The following RBM26 variants were observed in gnomAD, a reference collection of about 807,000 sequenced individuals.
The protein encoded by RBM26 is RNA-binding protein 26.
RBM26 carries 30 observed loss-of-function variants against 123.6 expected under a neutral mutation model. The ratio of observed to expected loss-of-function variants is 0.24; its 90% CI spans 0.18 to 0.33. The LOEUF (loss-of-function observed/expected upper bound fraction) is 0.33. Among genes scored for constraint, RBM26 ranks in the 10% least tolerant of loss-of-function variants. RBM26 has a pLI of 1.00. For synonymous variants in RBM26, 400 were observed against 404.4 expected (o/e 0.99, Z 0.13); for missense variants, 947 against 1,203.6 (o/e 0.79, Z 3.15).
chr13:79,335,010 CATTAT>C (rs2070090286), intron 19 of RBM26, among the ~76,000 whole-genome samples: 1 of 152,082 alleles, frequency 6.6e-6, no homozygotes, highest in Non-Finnish European at 1.5e-5. Context: ...AAGCTAAACA[CATTAT>C]ATTATTCCTG....
chr13:79,341,271 C>A, intron 17 of RBM26, 44 bp from the exon 18 acceptor site: 6 of 1,240,722 alleles, frequency 4.8e-6, no homozygotes, highest in Non-Finnish European at 5.8e-6. Flanking sequence ...TAATTACTAT[C>A]CTGTATTGAT....
chr13:79,370,247 C>T (rs1381984633), intron 5 of RBM26, among the ~76,000 whole-genome samples: 2 of 152,072 alleles, frequency 1.3e-5, no homozygotes, highest in Admixed American at 6.5e-5. Context: ...ACTCAGGAGG[C>T]GGAGGTTGCA....
chr13:79,402,193 AAC>A (rs2079108837), intron 1 of RBM26, among the ~76,000 whole-genome samples: 1 of 152,150 alleles, frequency 6.6e-6, no homozygotes, highest in Non-Finnish European at 1.5e-5. Context: ...AAAAAAGACT[AAC>A]ATTTAGTTTC....
chr13:79,344,399 G>C (rs981274998), intron 15 of RBM26, 77 bp from the exon 16 acceptor site: 6 of 1,151,808 alleles, frequency 5.2e-6, no homozygotes, highest in Non-Finnish European at 7.8e-6. Flanking sequence ...AGAAATAGTT[G>C]TAACTGCAGA....
intron 1 of RBM26, among the ~76,000 whole-genome samples, chr13:79,388,047 T>C (rs1380453743): frequency 6.6e-6 from 1 of 152,234 alleles, no homozygotes; most frequent in Non-Finnish European, 1.5e-5. Context: ...AATTCAGGCA[T>C]TTCACAACTC....
chr13:79,382,912 T>C (rs1299168903), intron 1 of RBM26, among the ~76,000 whole-genome samples: 1 of 21,822 alleles, frequency 4.6e-5, no homozygotes. Flanking sequence ...GATGGTTTTC[T>C]AGGGATTCTC....
intron 1 of RBM26, among the ~76,000 whole-genome samples, chr13:79,397,072 T>C (rs1197259683): frequency 1.3e-5 from 2 of 152,142 alleles, no homozygotes; most frequent in Admixed American, 6.5e-5. Flanking sequence ...TCCCACCTAC[T>C]CAGGAGGCTG....
At chr13:79,363,491 T>C (rs1204121187) in intron 9 of RBM26, among the ~76,000 whole-genome samples, 1 of 152,026 alleles carries the variant, frequency 6.6e-6, no homozygotes, top group Non-Finnish European at 1.5e-5. Flanking sequence ...GTACATAAAA[T>C]CACTGTTATT....
chr13:79,355,049 A>C (rs1231524922), intron 12 of RBM26, among the ~76,000 whole-genome samples, 171 bp downstream of exon 12: 2 of 152,220 alleles, frequency 1.3e-5, no homozygotes, highest in Non-Finnish European at 2.9e-5. Context: ...ATTATGAGAG[A>C]ACAGGTTAGA....
intron 1 of RBM26, among the ~76,000 whole-genome samples, chr13:79,390,073 G>A (rs1401524327): frequency 6.6e-6 from 1 of 152,048 alleles, no homozygotes; most frequent in Middle Eastern, 3.2e-3. Flanking sequence ...ATGTTTACAA[G>A]TTTATATATG....
downstream of RBM26, among the ~76,000 whole-genome samples, chr13:79,318,325 C>A (rs2067337897): frequency 6.6e-6 from 1 of 150,964 alleles, no homozygotes; most frequent in African/African-American, 2.4e-5. Flanking sequence ...CTAGCTATGA[C>A]TGGGCAAATC....
chr13:79,368,035 A>AT lies in RBM26; in HGVS notation c.895+694dup, dbSNP rs1200259070. 3.8e-4 allele frequency among the ~76,000 whole-genome samples: 57 copies of AT among 150,804 alleles called. 1 individual carries two copies. Among genetic ancestry groups the AT allele is most frequent in the African/African-American group, 1.1e-3 (46 of 41,188 alleles). On this transcript the variant is annotated intron_variant, in intron 6 of 21. Coordinates refer to ENST00000438737, the MANE Select transcript of RBM26 (RefSeq NM_001366735.2). ...CAATTCTTTTTATTTTTTTATTTTTATTTTTTTTGAGACGGAGTCTCGCTC... is the reference window on the plus strand; with the variant it reads ...CAATTCTTTTTATTTTTTTATTTTTATTTTTTTTTGAGACGGAGTCTCGCTC...
chr13:79,356,903 G>C (rs933573736), intron 11 of RBM26, among the ~76,000 whole-genome samples: 11 of 152,112 alleles, frequency 7.2e-5, no homozygotes, highest in Non-Finnish European at 1.3e-4. Flanking sequence ...GTAGTTAATT[G>C]TGTGAAGAAT....
chr13:79,340,184 T>C (rs1450300452), intron 18 of RBM26, among the ~76,000 whole-genome samples: 1 of 151,644 alleles, frequency 6.6e-6, no homozygotes, highest in African/African-American at 2.4e-5. Flanking sequence ...CCAAAAAAAA[T>C]ACTGGGCAGG....
rs547706198 is a variant in RBM26 at position 79,350,176 on chromosome 13, T to G, written c.2058+2977A>C. ...TACCACACAATTTTCCTTTTAAAAG[T>G]TCCATGGTATAGATGTTAATATATC... On this transcript the variant is annotated intron_variant, in intron 14 of 21. Coordinates refer to ENST00000438737, the MANE Select transcript of RBM26 (RefSeq NM_001366735.2). 4.5e-4 allele frequency among the ~76,000 whole-genome samples: 69 copies of G among 152,324 alleles called. No individual in the cohort carries two copies. The South Asian group carries it at 0.014, about 32-fold the overall frequency.
chr13:79,370,034 G>T (rs962851705), intron 5 of RBM26, among the ~76,000 whole-genome samples: 1 of 152,118 alleles, frequency 6.6e-6, no homozygotes, highest in Non-Finnish European at 1.5e-5. Flanking sequence ...ACTAGTCTGG[G>T]CACAGTGGCT....
chr13:79,378,643 T>C (rs993963528), intron 2 of RBM26, 146 bp downstream of exon 2: 1 of 449,228 alleles, frequency 2.2e-6, no homozygotes, highest in Admixed American at 4.0e-5. Context: ...TTTCACCATG[T>C]TTGCCCGGCT....
At chr13:79,398,908 G>A (rs1054681970) in intron 1 of RBM26, among the ~76,000 whole-genome samples, 5 of 152,080 alleles carry the variant, frequency 3.3e-5, no homozygotes, top group African/African-American at 4.8e-5. Flanking sequence ...TTCAACTAAC[G>A]CATTTAATAA....
At chr13:79,393,033 A>G (rs941273282) in intron 1 of RBM26, among the ~76,000 whole-genome samples, 1 of 152,212 alleles carries the variant, frequency 6.6e-6, no homozygotes, top group Non-Finnish European at 1.5e-5. Flanking sequence ...GTGAGTCTAC[A>G]GCCACTCATC....
Sources: gnomAD v4.1 joint callset for allele counts (sites outside exome capture counted in the v4.1 genomes callset) on GRCh38, gnomAD v4.1.1 for gene constraint, MANE v1.5 for transcripts, NCBI Gene and HGNC (gene_info 2026-07-23, HGNC 2026-07-21) for gene names.